Variants in RNF111 observed in about 807,000 individuals in gnomAD.
RNF111 encodes E3 ubiquitin-protein ligase Arkadia.
In RNF111, 17 loss-of-function variants were observed where a neutral mutation model predicts 95.1. The ratio of observed to expected loss-of-function variants is 0.18; its 90% CI spans 0.12 to 0.27. RNF111 has a LOEUF of 0.27. Ranked by LOEUF, RNF111 falls within the 10% of genes least tolerant of loss-of-function variation. The pLI is 1.00. For missense variants in RNF111, 1,189 were observed against 1,210.4 expected, an observed-to-expected ratio of 0.98 and a Z score of 0.26; for synonymous variants, 440 against 414.8, an observed-to-expected ratio of 1.06 and a Z score of -0.74.
chr15:58,988,721 A>T (rs2038679379), intron 1 of RNF111, among the ~76,000 whole-genome samples: 1 of 152,234 alleles, frequency 6.6e-6, no homozygotes, highest in Non-Finnish European at 1.5e-5. Flanking sequence ...TTCTCAACCT[A>T]AGTTTTGATT....
intron 2 of RNF111, among the ~76,000 whole-genome samples, chr15:59,047,358 G>T (rs934877499): frequency 2.6e-5 from 4 of 152,048 alleles, no homozygotes; most frequent in Non-Finnish European, 1.5e-5. Flanking sequence ...AGCTGGGCAT[G>T]GTGGCAGGTA....
At chr15:59,078,284 C>A (rs1240599453) in intron 7 of RNF111, among the ~76,000 whole-genome samples, 3 of 152,124 alleles carry the variant, frequency 2.0e-5, no homozygotes, top group Non-Finnish European at 4.4e-5. Flanking sequence ...TCTCTCTCTG[C>A]TTTTGAAAGG....
intron 2 of RNF111, among the ~76,000 whole-genome samples, chr15:59,046,142 C>T (rs146990852): frequency 3.3e-4 from 49 of 150,588 alleles, no homozygotes; most frequent in African/African-American, 1.2e-3. Context: ...GATAATCTTT[C>T]ATTATCTCCG....
chr15:59,038,761 T>C (rs1002373886), intron 2 of RNF111, among the ~76,000 whole-genome samples: 2 of 152,168 alleles, frequency 1.3e-5, no homozygotes, highest in African/African-American at 4.8e-5. Context: ...GTCTAAAAGC[T>C]TGATTAGGTT....
rs865980266 is a variant in RNF111 at position 59,091,068 on chromosome 15, C to G, written c.2653C>G (p.His885Asp). The G allele has an allele frequency of 1.9e-6, 3 of 1,603,424 alleles. No homozygotes were observed. Among genetic ancestry groups the G allele is most frequent in the Admixed American group, 1.7e-5 (1 of 59,730 alleles). ...TATTCTTCACTTTCAGGAACTGATT[C>G]ATTTGGAAGAAAGATTAGGCAATGT... ...PFRGNFEELIHLEERLGNVNR... is the reference protein window; with the variant it reads ...PFRGNFEELIDLEERLGNVNR... Residue 885 changes from histidine to aspartate, a missense_variant, in exon 12 of 14, where the codon CAT (histidine) becomes GAT (aspartate). His to Asp is a moderately conservative substitution (Grantham distance 81). Around this residue, in one of 2 missense-constraint regions of RNF111, gnomAD observed 165 missense variants for 284.6 expected, o/e 0.58. Coordinates refer to ENST00000348370, the MANE Select transcript of RNF111 (RefSeq NM_017610.8).
At chr15:59,048,583 G>A (rs1162520371) in intron 2 of RNF111, among the ~76,000 whole-genome samples, 10 of 152,046 alleles carry the variant, frequency 6.6e-5, no homozygotes, top group African/African-American at 9.6e-5. Context: ...ACTTAAAATC[G>A]GTGAATTTTT....
intron 1 of RNF111, among the ~76,000 whole-genome samples, chr15:59,015,474 A>G (rs1219027856): frequency 6.6e-6 from 1 of 152,112 alleles, no homozygotes; most frequent in African/African-American, 2.4e-5. Context: ...CTTTGCCCCC[A>G]TCACTGTAAG....
intron 2 of RNF111, among the ~76,000 whole-genome samples, chr15:59,045,876 A>G (rs1171822377): frequency 6.6e-6 from 1 of 152,164 alleles, no homozygotes; most frequent in Admixed American, 6.6e-5. Context: ...TCAATCTACA[A>G]TATTATTTTA....
chr15:59,007,664 C>A (rs2039603298), intron 1 of RNF111, among the ~76,000 whole-genome samples: 1 of 152,034 alleles, frequency 6.6e-6, no homozygotes. Flanking sequence ...AATATCCTTG[C>A]CAGTGTTTGG....
At chr15:59,053,076 C>G (rs1194314497) in intron 3 of RNF111, among the ~76,000 whole-genome samples, 1 of 152,088 alleles carries the variant, frequency 6.6e-6, no homozygotes, top group African/African-American at 2.4e-5. Context: ...ATATGTTACT[C>G]ATTGATACCA....
intron 2 of RNF111, among the ~76,000 whole-genome samples, chr15:59,041,509 A>G (rs1330081831): frequency 6.6e-6 from 1 of 152,036 alleles, no homozygotes; most frequent in East Asian, 1.9e-4. Context: ...GCCGAGATCT[A>G]GAGATTGTGC....
chr15:58,999,166 G>A (rs1347069096), intron 1 of RNF111, among the ~76,000 whole-genome samples: 1 of 152,108 alleles, frequency 6.6e-6, no homozygotes. Flanking sequence ...AATTTAACCA[G>A]AACAGCATAT....
intron 2 of RNF111, among the ~76,000 whole-genome samples, chr15:59,051,457 CAAAAAAAAAAAG>C (rs2041979041): frequency 1.0e-5 from 1 of 96,360 alleles, no homozygotes; most frequent in Non-Finnish European, 2.1e-5. Context: ...GACTCTGTCT[CAAAAAAAAAAAG>C]GAAAAAAAAA....
intron 1 of RNF111, among the ~76,000 whole-genome samples, chr15:58,992,325 G>A (rs1332828968): frequency 5.9e-5 from 9 of 152,108 alleles, no homozygotes; most frequent in Non-Finnish European, 7.4e-5. Context: ...GATTACAGAC[G>A]TGGGCCACCG....
At position 59,030,790 on chromosome 15, in the gene RNF111, AT is replaced by A; in HGVS notation, c.-19-10del. ...ACATTAAAAATCTTTTAAATATCTA[AT>A]TTTGTCTTCTAGGCTTTCCTTAAAG... On this transcript the variant is annotated splice_polypyrimidine_tract_variant and intron_variant, in intron 1 of 13. Transcript: ENST00000348370. 6.6e-7 allele frequency: 1 copy of A among 1,509,338 alleles called. No homozygotes were observed. Among genetic ancestry groups the A allele is most frequent in the South Asian group, 1.3e-5 (1 of 75,174 alleles). The allele number at this position is 1,509,338 out of a possible 1,614,324, so 93.5% of individuals were successfully genotyped here.
intron 5 of RNF111, among the ~76,000 whole-genome samples, chr15:59,060,387 C>T (rs897014395): frequency 2.6e-5 from 4 of 151,666 alleles, no homozygotes; most frequent in African/African-American, 7.3e-5. Flanking sequence ...GCAGATCACT[C>T]GAGGCCAGGA....
intron 1 of RNF111, among the ~76,000 whole-genome samples, chr15:59,011,426 A>G (rs2039805899): frequency 6.6e-6 from 1 of 152,180 alleles, no homozygotes; most frequent in Admixed American, 6.5e-5. Flanking sequence ...CATTTAAGGT[A>G]CTCAGAAAGT....
intron 1 of RNF111, among the ~76,000 whole-genome samples, chr15:59,011,770 T>C (rs969630950): frequency 6.6e-6 from 1 of 152,090 alleles, no homozygotes; most frequent in East Asian, 1.9e-4. Context: ...AAATGTCTTA[T>C]CTCTAAATAC....
At chr15:59,072,720 G>C (rs2042991654) in intron 6 of RNF111, among the ~76,000 whole-genome samples, 2 of 151,846 alleles carry the variant, frequency 1.3e-5, no homozygotes, top group Admixed American at 6.6e-5. Flanking sequence ...CCAAAGTGCT[G>C]GGATTACAGG....
Sources: gnomAD v4.1 joint callset for allele counts (sites outside exome capture counted in the v4.1 genomes callset) on GRCh38, gnomAD v4.1.1 for gene constraint, gnomAD v4.1.1 regional missense constraint, MANE v1.5 for transcripts, NCBI Gene and HGNC (gene_info 2026-07-23, HGNC 2026-07-21) for gene names.